PDE12: variants seen among roughly 807,000 people sequenced by gnomAD.
PDE12 encodes 2',5'-phosphodiesterase 12.
In PDE12, 26 loss-of-function variants were observed where a neutral mutation model predicts 45.4. The ratio of observed to expected loss-of-function variants is 0.57; its 90% CI spans 0.42 to 0.79. PDE12 has a LOEUF of 0.79. Ranked by LOEUF, PDE12 falls within the 30% of genes least tolerant of loss-of-function variation. The pLI is 0.00. For synonymous variants in PDE12, 283 were observed against 323.9 expected (o/e 0.87, Z 1.36); for missense variants, 668 against 790.0 (o/e 0.85, Z 1.85).
the PDE12 span, among the ~76,000 whole-genome samples, chr3:57,612,377 A>T: frequency 1.6e-3 from 251 of 152,244 alleles, no homozygotes; most frequent in African/African-American, 5.6e-3. Flanking sequence ...GTACCCTAGA[A>T]CTTAAAGTAT....
chr3:57,591,755 G>A, the PDE12 span, among the ~76,000 whole-genome samples: 18 of 152,230 alleles, frequency 1.2e-4, no homozygotes, highest in East Asian at 1.5e-3. Flanking sequence ...GTGAGCCACC[G>A]CGCCCGGCCA....
In PDE12 at chr3:57,561,790, CTATCAAATGTA is replaced by C. The variant is rs1425589548; in HGVS notation, c.*1788_*1798del. The C allele has an allele frequency of 1.2e-5, 12 of 983,696 alleles. No homozygotes were observed. Among genetic ancestry groups the C allele is most frequent in the Non-Finnish European group, 1.4e-5 (12 of 828,354 alleles). The allele number at this position is 983,696 out of a possible 1,614,324, so 60.9% of individuals were successfully genotyped here. On this transcript the variant is annotated 3_prime_UTR_variant, in exon 3 of 3. Transcript: ENST00000311180. ...CATCTGTACTTTCATATTCTGCTCA[CTATCAAATGTA>C]TTGTTAACACTTAGTAAGTTTGAAA... is the stretch of plus-strand genomic sequence containing the variant.
At chr3:57,653,941 C>CTTTTTTTTT in the PDE12 span, among the ~76,000 whole-genome samples, 14 of 75,838 alleles carry the variant, frequency 1.8e-4, 2 homozygotes, top group African/African-American at 2.4e-4. Context: ...TAGAAATTCA[C>CTTTTTTTTT]TTTTTTTTTT....
At chr3:57,635,797 G>A in the PDE12 span, among the ~76,000 whole-genome samples, 3 of 152,234 alleles carry the variant, frequency 2.0e-5, no homozygotes, top group South Asian at 6.2e-4. Context: ...ACATTGAACA[G>A]CATGGGTTTA....
intron 2 of PDE12, 83 bp downstream of exon 2, chr3:57,559,471 T>A (rs1209015531): frequency 6.4e-7 from 1 of 1,567,496 alleles, no homozygotes; most frequent in Non-Finnish European, 8.7e-7. Flanking sequence ...ATCTTGAACG[T>A]CACCCAGAGA....
At chr3:57,602,388 C>G in the PDE12 span, among the ~76,000 whole-genome samples, 1 of 152,186 alleles carries the variant, frequency 6.6e-6, no homozygotes, top group Admixed American at 6.5e-5. Context: ...TTTATCTGCA[C>G]AGTACAAGAA....
At chr3:57,627,059 T>G in the PDE12 span, 1 of 152,162 alleles carries the variant, frequency 6.6e-6, no homozygotes, top group Non-Finnish European at 1.5e-5. Flanking sequence ...AATAGCTGAT[T>G]ATGAGATTTA....
At chr3:57,612,320 A>G in the PDE12 span, among the ~76,000 whole-genome samples, 211 of 152,086 alleles carry the variant, frequency 1.4e-3, 2 homozygotes, top group Non-Finnish European at 2.2e-4. Flanking sequence ...CAGCACACCA[A>G]CATGGCACAT....
At chr3:57,628,285 G>A in the PDE12 span, 9 of 1,614,108 alleles carry the variant, frequency 5.6e-6, no homozygotes, top group Admixed American at 1.7e-5. Context: ...GCATCTATGT[G>A]TGTCCGTAAC....
Position 57,560,077 on chromosome 3 carries a change from C to T in PDE12, c.*73C>T. On this transcript the variant is annotated 3_prime_UTR_variant, in exon 3 of 3. Transcript: ENST00000311180. ...GCAGAAAATTTAATATGAATCAAAG[C>T]TTATATGTAAACTTCAAGGAGGAAT... 1.3e-6 allele frequency: 2 copies of T among 1,514,724 alleles called. No homozygotes were observed. The highest frequency in any genetic ancestry group is 1.8e-6 in the Non-Finnish European group (2 of 1,141,196). 93.8% of individuals were successfully genotyped at this position (1,514,724 alleles called of 1,614,324 possible).
chr3:57,648,857 A>G, the PDE12 span, among the ~76,000 whole-genome samples: 5 of 152,208 alleles, frequency 3.3e-5, no homozygotes, highest in African/African-American at 9.6e-5. Context: ...ATCCTTTACA[A>G]AAACAAACTC....
At chr3:57,558,047 G>A (rs1365344119) in intron 1 of PDE12, among the ~76,000 whole-genome samples, 3 of 152,136 alleles carry the variant, frequency 2.0e-5, no homozygotes, top group Admixed American at 6.5e-5. Context: ...ATTTAAGAGC[G>A]TGGTGTGTTT....
the PDE12 span, among the ~76,000 whole-genome samples, chr3:57,591,686 C>T: frequency 2.6e-5 from 4 of 151,966 alleles, no homozygotes; most frequent in African/African-American, 4.8e-5. Context: ...AGGCTGGTCT[C>T]GAACTCCTGA....
rs2069708204 is a variant in PDE12 at position 57,559,822 on chromosome 3, A to G, written c.1648A>G (p.Thr550Ala). 6.2e-7 allele frequency: 1 copy of G among 1,614,216 alleles called. No homozygotes were observed. The highest frequency in any genetic ancestry group is 8.5e-7 in the Non-Finnish European group (1 of 1,180,036). The change falls in exon 3 of 3, where the codon ACA becomes GCA. Residue 550 changes from threonine (T) to alanine (A), a missense_variant. Thr to Ala is a moderately conservative substitution (Grantham distance 58). Coordinates refer to ENST00000311180, the MANE Select transcript of PDE12 (RefSeq NM_177966.7). ...LKSACGEPAY[T>A]NYVGGFHGCL... The stretch of plus-strand genomic sequence containing the variant: ...AAGTGCTTGTGGTGAACCTGCTTAC[A>G]CAAATTATGTTGGTGGCTTTCATGG...
At chr3:57,638,456 G>A in the PDE12 span, among the ~76,000 whole-genome samples, 5 of 150,206 alleles carry the variant, frequency 3.3e-5, no homozygotes, top group African/African-American at 7.4e-5. Context: ...TCAGGAGTTC[G>A]AGACCAGCCT....
At chr3:57,592,024 T>C in the PDE12 span, among the ~76,000 whole-genome samples, 1 of 152,200 alleles carries the variant, frequency 6.6e-6, no homozygotes, top group South Asian at 2.1e-4. Context: ...CCCACGGAAC[T>C]GTACACTTTA....
chr3:57,589,269 AAAAC>A, the PDE12 span, among the ~76,000 whole-genome samples: 1 of 152,106 alleles, frequency 6.6e-6, no homozygotes, highest in African/African-American at 2.4e-5. Context: ...ACCCTGTCTC[AAAAC>A]AAACAAAAAT....
At chr3:57,608,517 G>C in the PDE12 span, among the ~76,000 whole-genome samples, 1 of 151,862 alleles carries the variant, frequency 6.6e-6, no homozygotes, top group Admixed American at 6.6e-5. Context: ...GACACACATA[G>C]GCTCAAAATA....
At chr3:57,615,297 A>T in the PDE12 span, among the ~76,000 whole-genome samples, 1 of 152,196 alleles carries the variant, frequency 6.6e-6, no homozygotes, top group Non-Finnish European at 1.5e-5. Context: ...AAAAGAAATT[A>T]TAAGGTATTT....
Sources: gnomAD v4.1 joint callset for allele counts (sites outside exome capture counted in the v4.1 genomes callset) on GRCh38, gnomAD v4.1.1 for gene constraint, MANE v1.5 for transcripts, NCBI Gene and HGNC (gene_info 2026-07-23, HGNC 2026-07-21) for gene names.